PDE1A: variants seen among roughly 807,000 people sequenced by gnomAD.
The protein encoded by PDE1A is phosphodiesterase 1A.
PDE1A carries 35 observed loss-of-function variants against 61.7 expected under a neutral mutation model. The ratio of observed to expected loss-of-function variants is 0.57; its 90% CI spans 0.43 to 0.75. The LOEUF (loss-of-function observed/expected upper bound fraction) is 0.75, where lower values mean the gene tolerates loss of function less well. Among genes scored for constraint, PDE1A ranks in the 30% least tolerant of loss-of-function variants. The pLI is 0.00. For synonymous variants in PDE1A, 232 were observed against 213.2 expected, an observed-to-expected ratio of 1.09 and a Z score of -0.77; for missense variants, 597 against 630.6, an observed-to-expected ratio of 0.95 and a Z score of 0.57.
chr2:182,208,704 C>T (rs958012766), intron 7 of PDE1A, among the ~76,000 whole-genome samples: 1 of 152,110 alleles, frequency 6.6e-6, no homozygotes, highest in Non-Finnish European at 1.5e-5. Context: ...AGGAGCACAC[C>T]CCCTGCATCA....
intron 1 of PDE1A, among the ~76,000 whole-genome samples, chr2:182,318,400 A>G (rs551218376): frequency 6.6e-6 from 1 of 152,254 alleles, no homozygotes; most frequent in Non-Finnish European, 1.5e-5. Flanking sequence ...ACCAGTCCTA[A>G]TCTTCATATC....
At chr2:182,220,802 A>G (rs540616418) in intron 7 of PDE1A, among the ~76,000 whole-genome samples, 1 of 152,184 alleles carries the variant, frequency 6.6e-6, no homozygotes, top group South Asian at 2.1e-4. Context: ...CCAAGTAACA[A>G]TGAATAATAT....
intron 1 of PDE1A, among the ~76,000 whole-genome samples, chr2:182,356,832 C>G (rs1699210417): frequency 6.6e-6 from 1 of 152,060 alleles, no homozygotes; most frequent in Admixed American, 6.6e-5. Context: ...ACATATACAC[C>G]ATGGAATACT....
chr2:182,164,818 G>A (rs1213662052), downstream of PDE1A, among the ~76,000 whole-genome samples: 1 of 152,110 alleles, frequency 6.6e-6, no homozygotes, highest in Non-Finnish European at 1.5e-5. Flanking sequence ...TACTGGCATA[G>A]ACACTTAGTA....
chr2:182,209,930 A>G (rs1334656610), intron 7 of PDE1A, among the ~76,000 whole-genome samples: 4 of 152,212 alleles, frequency 2.6e-5, no homozygotes, highest in African/African-American at 9.6e-5. Context: ...CCTTTCACTC[A>G]GTAATATGCA....
intron 1 of PDE1A, among the ~76,000 whole-genome samples, chr2:182,412,074 A>G (rs1013122490): frequency 7.6e-5 from 11 of 143,934 alleles, no homozygotes; most frequent in Non-Finnish European, 1.5e-4. Flanking sequence ...AAAAAAAAAA[A>G]GATTATCTAT....
intron 1 of PDE1A, among the ~76,000 whole-genome samples, chr2:182,423,492 G>A (rs1393581811): frequency 6.6e-6 from 1 of 152,078 alleles, no homozygotes; most frequent in African/African-American, 2.4e-5. Flanking sequence ...CCACTTGATG[G>A]ATGACTTTTA....
the PDE1A span, among the ~76,000 whole-genome samples, chr2:182,693,354 C>T: frequency 6.6e-6 from 1 of 152,040 alleles, no homozygotes. Flanking sequence ...TATTTGTATT[C>T]CTTATTTAAT....
downstream of PDE1A, among the ~76,000 whole-genome samples, chr2:182,164,615 C>A (rs1240919097): frequency 6.6e-6 from 1 of 151,992 alleles, no homozygotes; most frequent in African/African-American, 2.4e-5. Context: ...ACAAAGTGAC[C>A]ATGGTGGTAG....
At chr2:182,312,411 C>T (rs1696042802) in intron 1 of PDE1A, among the ~76,000 whole-genome samples, 1 of 152,014 alleles carries the variant, frequency 6.6e-6, no homozygotes, top group Non-Finnish European at 1.5e-5. Context: ...TATAATTTCT[C>T]CTAGATGTTT....
chr2:182,168,716 T>G (rs1019924065), intron 13 of PDE1A, among the ~76,000 whole-genome samples: 10 of 152,112 alleles, frequency 6.6e-5, no homozygotes, highest in African/African-American at 2.4e-4. Context: ...AATTTTATTA[T>G]GTAAAGAAAT....
At chr2:182,437,084 C>A (rs1423419765) in intron 2 of PDE1A, among the ~76,000 whole-genome samples, 1 of 151,976 alleles carries the variant, frequency 6.6e-6, no homozygotes, top group South Asian at 2.1e-4. Flanking sequence ...GATCAATGAA[C>A]CATGAAAAGC....
chr2:182,158,934 CA>C (rs1691238224), intron 13 of PDE1A, among the ~76,000 whole-genome samples: 1 of 152,108 alleles, frequency 6.6e-6, no homozygotes, highest in Non-Finnish European at 1.5e-5. Flanking sequence ...TTTAGTTATA[CA>C]TTTTTTGCAT....
chr2:182,291,404 G>A (rs917696285), intron 1 of PDE1A, among the ~76,000 whole-genome samples: 3 of 152,142 alleles, frequency 2.0e-5, no homozygotes, highest in Admixed American at 1.3e-4. Context: ...CTGATGCAGG[G>A]TTAATCACCC....
At chr2:182,513,073 G>C (rs1271817226) in intron 2 of PDE1A, among the ~76,000 whole-genome samples, 2 of 152,102 alleles carry the variant, frequency 1.3e-5, no homozygotes, top group African/African-American at 4.8e-5. Flanking sequence ...TAGAGAGGTT[G>C]ACATTCAAAT....
At chr2:182,220,955 G>A (rs1359263240) in intron 7 of PDE1A, among the ~76,000 whole-genome samples, 2 of 151,914 alleles carry the variant, frequency 1.3e-5, no homozygotes, top group Non-Finnish European at 2.9e-5. Context: ...TCAAGTTCAT[G>A]TAGAATTAAT....
At chr2:182,177,545 A>T (rs6734150) in intron 13 of PDE1A, among the ~76,000 whole-genome samples, 34,126 of 151,820 alleles carry the variant, frequency 0.22, 4,299 homozygotes, top group African/African-American at 0.32. Context: ...TGTTTTGGTG[A>T]GGGTTGTCAA....
intron 2 of PDE1A, among the ~76,000 whole-genome samples, chr2:182,472,133 T>C (rs1279437265): frequency 6.6e-6 from 1 of 151,946 alleles, no homozygotes; most frequent in Non-Finnish European, 1.5e-5. Context: ...ACCACCTTTA[T>C]GGAAAACAGT....
chr2:182,185,877 C>T lies in PDE1A; in HGVS notation c.1516+15G>A. Reference sequence around the variant, plus strand: ...ACAGAGAGAGATGGCAGTAAGGCCTCATAAACAACACTACCTTGTGCAGCT... The same window carrying T: ...ACAGAGAGAGATGGCAGTAAGGCCTTATAAACAACACTACCTTGTGCAGCT... On this transcript the variant is annotated intron_variant, in intron 13 of 13. Coordinates refer to ENST00000351439, the Ensembl canonical transcript of PDE1A. The T allele has an allele frequency of 1.2e-6, 2 of 1,613,532 alleles. No homozygotes were observed. Among genetic ancestry groups the T allele is most frequent in the Non-Finnish European group, 1.7e-6 (2 of 1,179,766 alleles).
Sources: gnomAD v4.1 joint callset for allele counts (sites outside exome capture counted in the v4.1 genomes callset) on GRCh38, gnomAD v4.1.1 for gene constraint, MANE v1.5 for transcripts, NCBI Gene and HGNC (gene_info 2026-07-23, HGNC 2026-07-21) for gene names.